The following EXOC5 variants were observed in gnomAD, a reference collection of about 807,000 sequenced individuals.
EXOC5 encodes the protein exocyst complex component 5, also known as SEC10-like 1.
In EXOC5, 17 loss-of-function variants were observed where a neutral mutation model predicts 90.8. The ratio of observed to expected loss-of-function variants is 0.19; its 90% CI spans 0.13 to 0.28. The LOEUF (loss-of-function observed/expected upper bound fraction) is 0.28, where lower values mean the gene tolerates loss of function less well. EXOC5 is among the 10% of genes least tolerant of loss of function. EXOC5 has a pLI of 1.00. For synonymous variants in EXOC5, 260 were observed against 270.0 expected (o/e 0.96, Z 0.36); for missense variants, 569 against 830.6 (o/e 0.69, Z 3.87).
chr14:57,218,126 G>C (rs1474705789), intron 14 of EXOC5, 58 bp from the exon 15 acceptor site: 1 of 816,490 alleles, frequency 1.2e-6, no homozygotes, highest in Admixed American at 2.3e-5. Context: ...TTTTCTAAAA[G>C]TTTTTCATAC....
chr14:57,231,056 T>C (rs1004269493), intron 11 of EXOC5, among the ~76,000 whole-genome samples: 3 of 151,674 alleles, frequency 2.0e-5, no homozygotes, highest in Non-Finnish European at 2.9e-5. Flanking sequence ...TCGCCCAGGC[T>C]GGAGTGCAGT....
In EXOC5 at chr14:57,217,935, T is replaced by C. The variant is rs778900538; in HGVS notation, c.1613+47A>G. On this transcript the variant is annotated intron_variant, in intron 15 of 17. Transcript: ENST00000621441. ...GTATTTTCATGCTGCTATAATATGGTGTTTTTATAATTTAAAAAAATGCAA... is the reference window on the plus strand; with the variant it reads ...GTATTTTCATGCTGCTATAATATGGCGTTTTTATAATTTAAAAAAATGCAA... 5 of 884,492 alleles carry C rather than the reference T, an allele frequency of 5.7e-6. No individual in the cohort carries two copies. The East Asian group carries it at 1.2e-4, about 21-fold the overall frequency. 54.8% of individuals were successfully genotyped at this position (884,492 alleles called of 1,614,324 possible). A position where few individuals can be genotyped will look rare whatever the true frequency, so the allele number is the denominator to read the frequency against.
chr14:57,252,452 C>T (rs1295387530), intron 1 of EXOC5, among the ~76,000 whole-genome samples: 1 of 151,962 alleles, frequency 6.6e-6, no homozygotes, highest in East Asian at 1.9e-4. Context: ...AAGAAAACAA[C>T]CTGGATTTTA....
chr14:57,241,682 A>T lies in EXOC5; in HGVS notation c.466-2023T>A, dbSNP rs143877068. 3.3e-5 allele frequency among the ~76,000 whole-genome samples: 5 copies of T among 152,348 alleles called. No homozygotes were observed. In the East Asian group the frequency reaches 9.6e-4, roughly 29 times the overall value. On this transcript the variant is annotated intron_variant, in intron 4 of 17. Transcript: ENST00000621441. The stretch of plus-strand genomic sequence containing the variant: ...TATACAACATTTAGTCAGTTAAAAC[A>T]TACTACAACAATAAGTAACAAAAGC...
At chr14:57,235,612 G>A in intron 7 of EXOC5, 99 bp downstream of exon 7, 1 of 632,196 alleles carries the variant, frequency 1.6e-6, no homozygotes, top group East Asian at 2.8e-5. Flanking sequence ...CACTGTGATA[G>A]TTACATAATG....
intron 1 of EXOC5, among the ~76,000 whole-genome samples, chr14:57,253,398 T>A (rs1884249581): frequency 6.6e-6 from 1 of 152,124 alleles, no homozygotes; most frequent in Non-Finnish European, 1.5e-5. Flanking sequence ...AAGTCACAAA[T>A]AAATGGAAAC....
intron 1 of EXOC5, among the ~76,000 whole-genome samples, chr14:57,258,090 C>T (rs1884402377): frequency 6.6e-6 from 1 of 152,054 alleles, no homozygotes; most frequent in Non-Finnish European, 1.5e-5. Context: ...CAAATGTTAC[C>T]AATTGTAACA....
chr14:57,267,807 CTAT>C (rs1884725255), intron 1 of EXOC5, among the ~76,000 whole-genome samples: 1 of 152,154 alleles, frequency 6.6e-6, no homozygotes, highest in Non-Finnish European at 1.5e-5. Context: ...AGTATTCTCA[CTAT>C]TACATATTAA....
At chr14:57,240,182 TAGAA>T (rs1883815545) in intron 4 of EXOC5, among the ~76,000 whole-genome samples, 1 of 151,416 alleles carries the variant, frequency 6.6e-6, no homozygotes, top group Non-Finnish European at 1.5e-5. Context: ...AAATATAATA[TAGAA>T]ATGTGTATAT....
chr14:57,239,160 G>A (rs1451794609), intron 5 of EXOC5, among the ~76,000 whole-genome samples: 1 of 152,138 alleles, frequency 6.6e-6, no homozygotes, highest in African/African-American at 2.4e-5. Flanking sequence ...ATTTCCTGAA[G>A]AAAGGTGATA....
At chr14:57,248,686 C>G (rs531104138) in intron 1 of EXOC5, among the ~76,000 whole-genome samples, 4 of 152,046 alleles carry the variant, frequency 2.6e-5, no homozygotes, top group Non-Finnish European at 5.9e-5. Flanking sequence ...ATATTGCCTC[C>G]TACCTAGCAT....
intron 16 of EXOC5, 50 bp downstream of exon 16, chr14:57,209,903 A>C: frequency 1.7e-6 from 2 of 1,192,506 alleles, no homozygotes; most frequent in Non-Finnish European, 2.4e-6. Context: ...AGTAGGATAC[A>C]CCAATGAAAA....
At chr14:57,258,586 T>C (rs1244347722) in intron 1 of EXOC5, among the ~76,000 whole-genome samples, 1 of 152,080 alleles carries the variant, frequency 6.6e-6, no homozygotes, top group African/African-American at 2.4e-5. Flanking sequence ...TTAGGAGAAA[T>C]ACCTAATGTA....
rs1449681828 is a variant in EXOC5, at chr14:57,231,542, G to A, written c.1112C>T (p.Ser371Leu). ...SAMILQRYYD[S>L]KNHQKRSIGT... ...AATGGATCTCTTTTGATGGTTTTTC[G>A]AATCATAATAGCGCTGTAGGATCAT... The change falls in exon 11 of 18, where the codon TCG becomes TTG. Residue 371 changes from serine (S) to leucine (L), a missense_variant. Physicochemically the swap from Ser to Leu is moderately radical, Grantham distance 145. This residue lies in a region of EXOC5 where 69 missense variants were observed against 115.5 expected (regional missense o/e 0.60). Transcript: ENST00000621441. 6.8e-6 allele frequency: 11 copies of A among 1,611,066 alleles called. No individual in the cohort carries two copies. Among genetic ancestry groups the A allele is most frequent in the East Asian group, 4.5e-5 (2 of 44,816 alleles).
At chr14:57,263,739 T>TAAAAA (rs550651836) in intron 1 of EXOC5, among the ~76,000 whole-genome samples, 1 of 39,356 alleles carries the variant, frequency 2.5e-5, no homozygotes, top group African/African-American at 7.7e-5. Flanking sequence ...CACTCCAGCC[T>TAAAAA]AAAAAAAAAA....
At chr14:57,247,883 TAAAC>T (rs1191370855) in intron 1 of EXOC5, among the ~76,000 whole-genome samples, 171 bp from the exon 2 acceptor site, 2 of 151,336 alleles carry the variant, frequency 1.3e-5, no homozygotes, top group East Asian at 1.9e-4. Context: ...AAATCTTCAA[TAAAC>T]AAAACAAATT....
Position 57,218,577 on chromosome 14 carries a change from TAAGA to T in EXOC5, c.1527-513_1527-510del, listed in dbSNP as rs1337528490. ...CAGAATGTCAAAACATTCAAAATAT[TAAGA>T]AATAGGCAACCCTAATAATTGTGTG... is the stretch of plus-strand genomic sequence containing the variant. On this transcript the variant is annotated intron_variant, in intron 14 of 17. Transcript: ENST00000621441. Among the ~76,000 whole-genome samples the T allele has an allele frequency of 3.3e-5, 5 of 152,042 alleles. No individual in the cohort carries two copies. In the East Asian group the frequency reaches 9.6e-4, roughly 29 times the overall value.
intron 12 of EXOC5, among the ~76,000 whole-genome samples, chr14:57,226,587 G>A (rs776116379): frequency 7.2e-5 from 11 of 152,150 alleles, no homozygotes; most frequent in African/African-American, 2.2e-4. Context: ...TACACTACCC[G>A]ATTCAAGACT....
chr14:57,254,224 C>T (rs780109807), intron 1 of EXOC5, among the ~76,000 whole-genome samples: 4 of 152,058 alleles, frequency 2.6e-5, no homozygotes, highest in Non-Finnish European at 4.4e-5. Flanking sequence ...CTCTTGAGGT[C>T]AGGAGTTCGA....
Sources: gnomAD v4.1 joint callset for allele counts (sites outside exome capture counted in the v4.1 genomes callset) on GRCh38, gnomAD v4.1.1 for gene constraint, gnomAD v4.1.1 regional missense constraint, MANE v1.5 for transcripts, NCBI Gene and HGNC (gene_info 2026-07-23, HGNC 2026-07-21) for gene names.